Variants in CCDC34 observed in about 807,000 individuals in gnomAD.
CCDC34 encodes the protein coiled-coil domain-containing protein 34.
Under a neutral mutation model 44.1 loss-of-function variants are expected in CCDC34, and 40 were observed. The observed-to-expected ratio is 0.91, with a 90% CI of 0.70 to 1.18. The LOEUF (loss-of-function observed/expected upper bound fraction) is 1.18. Ranked by LOEUF, CCDC34 falls within the 50% of genes most tolerant of loss-of-function variation. The pLI is 0.00. For missense variants in CCDC34, 466 were observed against 452.3 expected, an observed-to-expected ratio of 1.03 and a Z score of -0.28; for synonymous variants, 159 against 158.2, an observed-to-expected ratio of 1.01 and a Z score of -0.04.
At chr11:27,343,275 G>A (rs1023679281) in intron 3 of CCDC34, among the ~76,000 whole-genome samples, 2 of 151,986 alleles carry the variant, frequency 1.3e-5, no homozygotes, top group Admixed American at 6.6e-5. Context: ...GGTGGCATAC[G>A]CCTGTAATCC....
At position 27,341,513 on chromosome 11, in the gene CCDC34, A is replaced by G. The variant is rs751709386; in HGVS notation, c.644T>C (p.Met215Thr). 2.2e-6 allele frequency: 3 copies of G among 1,348,638 alleles called. No individual in the cohort carries two copies. The highest frequency in any genetic ancestry group is 5.3e-5 in the East Asian group (2 of 37,720). The allele number at this position is 1,348,638 out of a possible 1,614,324, so 83.5% of individuals were successfully genotyped here. ...CAGTTCCTTTGCTGCTTTTTCCTCC[A>G]TTTCTTTATTAATTTTTTGTTCTCT... Reference protein sequence around the residue: ...KEREQKINKEMEEKAAKELEK... With the variant: ...KEREQKINKETEEKAAKELEK... Residue 215 changes from methionine to threonine, a missense_variant, in exon 4 of 6, where the codon ATG (methionine) becomes ACG (threonine). Transcript: ENST00000328697.
chr11:27,350,587 G>A, intron 2 of CCDC34, 148 bp from the exon 3 acceptor site: 1 of 681,138 alleles, frequency 1.5e-6, no homozygotes, highest in Non-Finnish European at 2.4e-6. Flanking sequence ...ACTTACTTAA[G>A]TAACCAGTCT....
intron 1 of CCDC34, among the ~76,000 whole-genome samples, chr11:27,359,774 G>A (rs1002156316): frequency 9.2e-5 from 14 of 152,204 alleles, no homozygotes; most frequent in Non-Finnish European, 2.1e-4. Context: ...CCATGCTAAA[G>A]CACTTAATAT....
chr11:27,345,199 T>C (rs1181208738), intron 3 of CCDC34, among the ~76,000 whole-genome samples: 3 of 152,184 alleles, frequency 2.0e-5, no homozygotes, highest in Admixed American at 6.5e-5. Flanking sequence ...CAAATAGACA[T>C]ACAGGTAAAG....
chr11:27,349,645 G>A lies in CCDC34; in HGVS notation c.606+687C>T, dbSNP rs948460889. On this transcript the variant is annotated intron_variant, in intron 3 of 5. Transcript: ENST00000328697. ...ACAGAATAAGTATTTTTAAAATTTC[G>A]AATGTGTGTGATCCATAGAAGAATA... The A allele has an allele frequency of 1.8e-5, 18 of 983,482 alleles. No homozygotes were observed. The East Asian group carries it at 9.1e-4, about 50-fold the overall frequency. 60.9% of individuals were successfully genotyped at this position (983,482 alleles called of 1,614,324 possible).
intron 3 of CCDC34, among the ~76,000 whole-genome samples, chr11:27,342,328 C>T (rs1037196407): frequency 6.9e-6 from 1 of 144,210 alleles, no homozygotes; most frequent in Non-Finnish European, 1.5e-5. Flanking sequence ...CACACACACA[C>T]ACATTTATAT....
intron 3 of CCDC34, among the ~76,000 whole-genome samples, chr11:27,344,050 A>T (rs953637066): frequency 1.3e-5 from 2 of 152,220 alleles, no homozygotes; most frequent in Non-Finnish European, 2.9e-5. Context: ...ATTCAAAATT[A>T]AAAACTTTCC....
intron 3 of CCDC34, among the ~76,000 whole-genome samples, chr11:27,344,413 C>T (rs976357885): frequency 5.9e-5 from 9 of 151,914 alleles, no homozygotes; most frequent in African/African-American, 2.2e-4. Context: ...AACATGTATG[C>T]TATATATTAT....
At chr11:27,345,696 T>C (rs936343941) in intron 3 of CCDC34, among the ~76,000 whole-genome samples, 82 of 152,280 alleles carry the variant, frequency 5.4e-4, no homozygotes, top group Non-Finnish European at 8.4e-4. Flanking sequence ...TGTTGGACAT[T>C]TGGGTTGGTT....
chr11:27,362,308 T>C (rs1458920118), intron 1 of CCDC34, among the ~76,000 whole-genome samples: 1 of 152,226 alleles, frequency 6.6e-6, no homozygotes, highest in African/African-American at 2.4e-5. Context: ...CATGCTCAGA[T>C]CCTCTCTAAC....
At position 27,338,720 on chromosome 11, in the gene CCDC34, T is replaced by A. The variant is rs1429131441; in HGVS notation, c.*101A>T. 2.1e-6 allele frequency: 2 copies of A among 933,704 alleles called. No homozygotes were observed. Among genetic ancestry groups the A allele is most frequent in the Admixed American group, 2.5e-5 (1 of 39,410 alleles). 57.8% of individuals were successfully genotyped at this position (933,704 alleles called of 1,614,324 possible). ...AAATGCAAAAATTGCTATTTGTCAA[T>A]AATCACATTAAGTGTTGAGTTATTG... On this transcript the variant is annotated 3_prime_UTR_variant, in exon 6 of 6. Coordinates refer to ENST00000328697, the MANE Select transcript of CCDC34 (RefSeq NM_030771.2).
intron 1 of CCDC34, among the ~76,000 whole-genome samples, chr11:27,360,905 G>A (rs1249033861): frequency 6.6e-6 from 1 of 152,234 alleles, no homozygotes; most frequent in Non-Finnish European, 1.5e-5. Flanking sequence ...AGGAATGGAT[G>A]TCATTGTATC....
chr11:27,360,021 G>A (rs1297809645), intron 1 of CCDC34, among the ~76,000 whole-genome samples: 1 of 152,180 alleles, frequency 6.6e-6, no homozygotes, highest in Admixed American at 6.5e-5. Flanking sequence ...GTTGTTGAAA[G>A]ACAATCAGAT....
chr11:27,351,899 G>C (rs1257869523), intron 2 of CCDC34, among the ~76,000 whole-genome samples: 1 of 152,132 alleles, frequency 6.6e-6, no homozygotes, highest in African/African-American at 2.4e-5. Context: ...CGTGGTACTA[G>C]GTAGATGGAG....
intron 3 of CCDC34, among the ~76,000 whole-genome samples, chr11:27,348,269 A>G (rs1462902425): frequency 6.6e-6 from 1 of 152,276 alleles, no homozygotes; most frequent in Non-Finnish European, 1.5e-5. Context: ...TAATGCAATG[A>G]TAACAGTGTT....
At chr11:27,349,743 T>C in intron 3 of CCDC34, 3 of 962,978 alleles carry the variant, frequency 3.1e-6, no homozygotes, top group Non-Finnish European at 1.2e-6. Flanking sequence ...TTTGGACATA[T>C]ATCATGCGCA....
At chr11:27,344,507 A>G (rs1862406956) in intron 3 of CCDC34, among the ~76,000 whole-genome samples, 1 of 151,748 alleles carries the variant, frequency 6.6e-6, no homozygotes, top group Non-Finnish European at 1.5e-5. Context: ...TACATTACAT[A>G]TATGCTATAA....
intron 2 of CCDC34, among the ~76,000 whole-genome samples, chr11:27,354,436 GTTCA>G (rs1862544160): frequency 6.6e-6 from 1 of 152,064 alleles, no homozygotes; most frequent in Non-Finnish European, 1.5e-5. Context: ...ATATCCTGAT[GTTCA>G]TTTAGTCCTC....
chr11:27,340,950 C>T (rs998120957), intron 4 of CCDC34, 113 bp from the exon 5 acceptor site: 23 of 843,362 alleles, frequency 2.7e-5, no homozygotes, highest in African/African-American at 1.2e-4. Flanking sequence ...GGCTTACTGG[C>T]CATAATACTG....
Sources: allele counts gnomAD v4.1 joint callset (sites outside exome capture counted in the v4.1 genomes callset), GRCh38; gene constraint gnomAD v4.1.1; transcripts MANE v1.5; gene names NCBI Gene and HGNC (gene_info 2026-07-23, HGNC 2026-07-21).